AGBL1: variants seen among roughly 807,000 people sequenced by gnomAD.
The protein encoded by AGBL1 is cytosolic carboxypeptidase 4.
A neutral mutation model predicts 118.9 loss-of-function variants in AGBL1; 130 were observed. The observed-to-expected ratio is 1.09, with a 90% CI of 0.95 to 1.26. AGBL1 has a LOEUF of 1.26. Among genes scored for constraint, AGBL1 ranks in the 50% most tolerant of loss-of-function variants. The pLI is 0.00. For synonymous variants in AGBL1, 555 were observed against 478.9 expected (o/e 1.16, Z -2.08); for missense variants, 1,584 against 1,298.1 (o/e 1.22, Z -3.38).
intron 22 of AGBL1, among the ~76,000 whole-genome samples, chr15:86,817,182 C>T (rs2078870095): frequency 6.6e-6 from 1 of 151,558 alleles, no homozygotes; most frequent in Non-Finnish European, 1.5e-5. Flanking sequence ...ATCCCAGCTA[C>T]TCAGGAGGCT....
chr15:86,369,176 G>C (rs1173163936), intron 17 of AGBL1, among the ~76,000 whole-genome samples: 2 of 152,170 alleles, frequency 1.3e-5, no homozygotes, highest in Non-Finnish European at 1.5e-5. Context: ...GAATGATGAT[G>C]AATATAGAAA....
chr15:86,173,748 G>A (rs1228030329), intron 5 of AGBL1, among the ~76,000 whole-genome samples: 1 of 151,970 alleles, frequency 6.6e-6, no homozygotes, highest in African/African-American at 2.4e-5. Flanking sequence ...AAATCAATTG[G>A]CTACAAATAG....
At chr15:86,893,537 A>G (rs1026976686) in intron 22 of AGBL1, among the ~76,000 whole-genome samples, 40 of 152,320 alleles carry the variant, frequency 2.6e-4, no homozygotes, top group African/African-American at 9.1e-4. Flanking sequence ...AAATATGCAA[A>G]TGAAAAATCA....
chr15:86,563,013 G>T (rs374105353), intron 21 of AGBL1, among the ~76,000 whole-genome samples: 1 of 151,944 alleles, frequency 6.6e-6, no homozygotes, highest in Non-Finnish European at 1.5e-5. Context: ...TTTTTATTGC[G>T]TTTATTTGAT....
intron 1 of AGBL1, among the ~76,000 whole-genome samples, chr15:86,123,017 T>C (rs760070179): frequency 1.7e-4 from 26 of 152,192 alleles, no homozygotes; most frequent in Non-Finnish European, 3.2e-4. Flanking sequence ...CCAAAATATA[T>C]GTATTTGACA....
At chr15:86,963,293 G>A (rs567569265) in intron 23 of AGBL1, among the ~76,000 whole-genome samples, 2 of 152,196 alleles carry the variant, frequency 1.3e-5, no homozygotes, top group South Asian at 4.1e-4. Flanking sequence ...GTAGTATACA[G>A]AATCCTCAGT....
chr15:86,930,391 CAG>C (rs1191456915), intron 23 of AGBL1, among the ~76,000 whole-genome samples: 1 of 152,048 alleles, frequency 6.6e-6, no homozygotes, highest in Non-Finnish European at 1.5e-5. Flanking sequence ...CAGGGAGGGA[CAG>C]GGGCGGGATA....
At chr15:87,031,335 A>G (rs1056075740), downstream of AGBL1, among the ~76,000 whole-genome samples, 3 of 150,426 alleles carry the variant, frequency 2.0e-5, no homozygotes, top group African/African-American at 7.5e-5. Flanking sequence ...ACAGAAATAG[A>G]GAGATATTTC....
chr15:86,868,639 A>C (rs771897959), intron 22 of AGBL1, among the ~76,000 whole-genome samples: 2 of 152,236 alleles, frequency 1.3e-5, no homozygotes, highest in Non-Finnish European at 2.9e-5. Context: ...AAATATGACT[A>C]TCTAGAACGA....
At chr15:86,739,910 A>T (rs1341616782) in intron 22 of AGBL1, among the ~76,000 whole-genome samples, 1 of 152,180 alleles carries the variant, frequency 6.6e-6, no homozygotes, top group Non-Finnish European at 1.5e-5. Flanking sequence ...CCTGCTATGA[A>T]GAGAAATGTT....
At chr15:86,155,119 A>G (rs1006909837) in intron 4 of AGBL1, among the ~76,000 whole-genome samples, 1 of 152,222 alleles carries the variant, frequency 6.6e-6, no homozygotes, top group East Asian at 1.9e-4. Flanking sequence ...TCTAATTATC[A>G]TAGTAATTTT....
chr15:86,236,736 G>C (rs1482997066), intron 6 of AGBL1, among the ~76,000 whole-genome samples: 1 of 151,926 alleles, frequency 6.6e-6, no homozygotes, highest in African/African-American at 2.4e-5. Flanking sequence ...CCAAAGCCGA[G>C]AGAGGAAACC....
chr15:86,156,333 A>G (rs766336976), intron 4 of AGBL1, among the ~76,000 whole-genome samples: 2 of 152,080 alleles, frequency 1.3e-5, no homozygotes, highest in South Asian at 2.1e-4. Flanking sequence ...TGTCCTCACA[A>G]GGTCTTTCTT....
chr15:86,433,304 A>C (rs1475539193), intron 18 of AGBL1, among the ~76,000 whole-genome samples: 4 of 73,006 alleles, frequency 5.5e-5, no homozygotes, highest in Non-Finnish European at 7.2e-5. Context: ...GCCATTGGCC[A>C]CATAGTTAAT....
At chr15:86,270,570 G>C (rs192143610) in intron 14 of AGBL1, among the ~76,000 whole-genome samples, 5 of 152,280 alleles carry the variant, frequency 3.3e-5, no homozygotes, top group African/African-American at 1.2e-4. Flanking sequence ...AATGTTTTGA[G>C]GAATGGAAAT....
At chr15:86,310,706 G>A (rs1366168236) in intron 17 of AGBL1, among the ~76,000 whole-genome samples, 1 of 152,068 alleles carries the variant, frequency 6.6e-6, no homozygotes. Context: ...GGAGCCGTGG[G>A]GGCCAGCCTA....
intron 21 of AGBL1, among the ~76,000 whole-genome samples, chr15:86,647,666 A>G (rs2085306570): frequency 6.6e-6 from 1 of 152,164 alleles, no homozygotes; most frequent in Non-Finnish European, 1.5e-5. Context: ...ACACTACTGC[A>G]CTCCAGCCTG....
intron 22 of AGBL1, among the ~76,000 whole-genome samples, chr15:86,761,638 T>C (rs1009071672): frequency 5.3e-5 from 8 of 151,802 alleles, no homozygotes; most frequent in Non-Finnish European, 1.0e-4. Context: ...AAAAGAGGAG[T>C]GTCTGTTCAT....
intron 22 of AGBL1, among the ~76,000 whole-genome samples, chr15:86,888,649 C>T (rs573606637): frequency 3.9e-5 from 6 of 152,208 alleles, no homozygotes; most frequent in African/African-American, 1.4e-4. Flanking sequence ...TGGGGATATA[C>T]ATTGACCTTG....
Sources: allele counts gnomAD v4.1 joint callset (sites outside exome capture counted in the v4.1 genomes callset), GRCh38; gene constraint gnomAD v4.1.1; transcripts MANE v1.5; gene names NCBI Gene and HGNC (gene_info 2026-07-23, HGNC 2026-07-21).